The following TNPO3 variants were observed in gnomAD, a reference collection of about 807,000 sequenced individuals.
TNPO3 encodes the protein transportin 3, also known as transportin-3.
TNPO3 carries 65 observed loss-of-function variants against 122.8 expected under a neutral mutation model. The observed-to-expected ratio is 0.53, with a 90% CI of 0.43 to 0.65. TNPO3 has a LOEUF of 0.65. Among genes scored for constraint, TNPO3 ranks in the 30% least tolerant of loss-of-function variants. The probability of loss-of-function intolerance (pLI) is 0.00; values close to 1 mark genes in which losing one functional copy is unlikely to be tolerated. For synonymous variants in TNPO3, 372 were observed against 411.2 expected (o/e 0.90, Z 1.15); for missense variants, 850 against 1,136.7 (o/e 0.75, Z 3.63).
At chr7:128,984,460 A>G (rs1159829181) in intron 12 of TNPO3, among the ~76,000 whole-genome samples, 1 of 152,258 alleles carries the variant, frequency 6.6e-6, no homozygotes, top group Non-Finnish European at 1.5e-5. Context: ...CAGAAGGCTA[A>G]GACTGATTAA....
In TNPO3 at chr7:128,974,988, G is replaced by C. The variant is rs771666656; in HGVS notation, c.2179-26C>G. The C allele has an allele frequency of 3.1e-6, 5 of 1,589,684 alleles. No individual in the cohort carries two copies. In the Admixed American group the frequency reaches 6.7e-5, roughly 21 times the overall value. ...CTAAAACAAAACAGTGATTTTAAAA[G>C]AAATGCTTTTTCAGAAATGCCACAG... is the stretch of plus-strand genomic sequence containing the variant. On this transcript the variant is annotated intron_variant, in intron 17 of 22. Coordinates refer to ENST00000265388, the MANE Select transcript of TNPO3 (RefSeq NM_012470.4).
At chr7:128,978,156 C>T (rs541690358) in intron 16 of TNPO3, among the ~76,000 whole-genome samples, 1 of 152,360 alleles carries the variant, frequency 6.6e-6, no homozygotes, top group South Asian at 2.1e-4. Flanking sequence ...CTAAGGTTAA[C>T]ATCAACACAA....
chr7:129,042,341 G>A (rs1336379322), intron 1 of TNPO3, among the ~76,000 whole-genome samples: 9 of 152,124 alleles, frequency 5.9e-5, no homozygotes, highest in Non-Finnish European at 1.2e-4. Context: ...AAAGTTCTGG[G>A]AAGGAAGACT....
chr7:128,967,715 T>C (rs892105496), intron 20 of TNPO3, among the ~76,000 whole-genome samples: 1 of 151,944 alleles, frequency 6.6e-6, no homozygotes, highest in African/African-American at 2.4e-5. Flanking sequence ...ATGACATATA[T>C]ACATATGCAC....
intron 1 of TNPO3, among the ~76,000 whole-genome samples, chr7:129,051,708 A>G (rs557823078): frequency 4.6e-5 from 7 of 152,178 alleles, no homozygotes; most frequent in Admixed American, 6.5e-5. Flanking sequence ...CAGTGACACA[A>G]TATCAGCTCA....
At chr7:128,970,043 TG>T in intron 20 of TNPO3, 104 bp downstream of exon 20, 1 of 1,415,258 alleles carries the variant, frequency 7.1e-7, no homozygotes, top group Non-Finnish European at 9.8e-7. Flanking sequence ...TTTGGTTCCA[TG>T]GACAGAAAAC....
chr7:129,013,863 A>G (rs549218071), intron 4 of TNPO3, among the ~76,000 whole-genome samples: 31 of 152,316 alleles, frequency 2.0e-4, no homozygotes, highest in African/African-American at 6.7e-4. Flanking sequence ...GAAGTAAGCC[A>G]GGCACAGAAA....
intron 20 of TNPO3, among the ~76,000 whole-genome samples, chr7:128,969,501 T>A (rs1585324175): frequency 6.6e-6 from 1 of 152,136 alleles, no homozygotes; most frequent in Admixed American, 6.5e-5. Flanking sequence ...AATTCCATTT[T>A]AAAAATGATT....
intron 19 of TNPO3, among the ~76,000 whole-genome samples, chr7:128,972,190 A>T (rs1798558555): frequency 6.6e-6 from 1 of 152,156 alleles, no homozygotes; most frequent in African/African-American, 2.4e-5. Flanking sequence ...TTCTCTCTTC[A>T]ACTAGACACC....
At chr7:129,009,770 C>A (rs1024124635) in intron 4 of TNPO3, among the ~76,000 whole-genome samples, 3 of 152,198 alleles carry the variant, frequency 2.0e-5, no homozygotes, top group African/African-American at 7.2e-5. Flanking sequence ...AGCTTTCACG[C>A]CCAGTCTAAA....
At chr7:129,011,890 C>A (rs182314357) in intron 4 of TNPO3, among the ~76,000 whole-genome samples, 11 of 152,020 alleles carry the variant, frequency 7.2e-5, no homozygotes, top group Admixed American at 4.6e-4. Flanking sequence ...ATTTGCTGTA[C>A]ATATTTTCTA....
chr7:128,962,452 T>G (rs1797559740), intron 21 of TNPO3, among the ~76,000 whole-genome samples: 1 of 150,160 alleles, frequency 6.7e-6, no homozygotes, highest in Non-Finnish European at 1.5e-5. Flanking sequence ...GAAATGAAAC[T>G]AAACCAGTTC....
rs532892739 is a variant in TNPO3 at position 129,043,335 on chromosome 7, G to T, written c.120+11316C>A. On this transcript the variant is annotated intron_variant, in intron 1 of 22. Coordinates refer to ENST00000265388, the MANE Select transcript of TNPO3 (RefSeq NM_012470.4). ...GGACTGAGGTGGGAAGATCACTGAAGCCCTAGTTACAGTGAGCTGTGATCC... is the reference window on the plus strand; with the variant it reads ...GGACTGAGGTGGGAAGATCACTGAATCCCTAGTTACAGTGAGCTGTGATCC... Among the ~76,000 whole-genome samples the T allele has an allele frequency of 5.9e-5, 9 of 152,200 alleles. No individual in the cohort carries two copies. In the South Asian group the frequency reaches 1.9e-3, roughly 32 times the overall value.
intron 8 of TNPO3, among the ~76,000 whole-genome samples, chr7:128,995,660 A>C (rs1801227928): frequency 6.6e-6 from 1 of 152,118 alleles, no homozygotes; most frequent in African/African-American, 2.4e-5. Flanking sequence ...TTTATAAATC[A>C]GGCTTCCAAG....
At chr7:129,006,991 CT>C (rs894827066) in intron 4 of TNPO3, among the ~76,000 whole-genome samples, 1 of 152,168 alleles carries the variant, frequency 6.6e-6, no homozygotes, top group East Asian at 1.9e-4. Flanking sequence ...ATACTTGACT[CT>C]TTCTATTTCT....
chr7:128,989,417 G>C (rs11770317), intron 11 of TNPO3, among the ~76,000 whole-genome samples: 73,767 of 151,914 alleles, frequency 0.49, 18,110 homozygotes, highest in African/African-American at 0.5. Flanking sequence ...AAAAAGAGGA[G>C]GTTAGAATAA....
chr7:128,997,591 CATTTT>C (rs1451609119), intron 7 of TNPO3, 56 bp from the exon 8 acceptor site: 1 of 1,451,554 alleles, frequency 6.9e-7, no homozygotes, highest in Non-Finnish European at 9.6e-7. Flanking sequence ...AATAAGAAGA[CATTTT>C]ATTATCACCA....
Position 128,955,242 on chromosome 7 carries a change from T to A in TNPO3, c.*175A>T. 2.2e-6 allele frequency: 1 copy of A among 446,642 alleles called. No homozygotes were observed. Among genetic ancestry groups the A allele is most frequent in the Middle Eastern group, 7.1e-4 (1 of 1,412 alleles). The allele number at this position is 446,642 out of a possible 1,614,324, so 27.7% of individuals were successfully genotyped here. ...ACCCCCAAACAGGAACTCCTCAGGA[T>A]GGCCTCAGAAGGCTGGAGTCTCTCC... On this transcript the variant is annotated 3_prime_UTR_variant, in exon 23 of 23. Transcript: ENST00000265388.
chr7:128,966,648 C>T (rs1015097522), intron 21 of TNPO3, among the ~76,000 whole-genome samples: 4 of 152,096 alleles, frequency 2.6e-5, no homozygotes, highest in South Asian at 2.1e-4. Flanking sequence ...TCAAGTAACA[C>T]CTTTATGGCT....
Sources: gnomAD v4.1 joint callset for allele counts (sites outside exome capture counted in the v4.1 genomes callset) on GRCh38, gnomAD v4.1.1 for gene constraint, MANE v1.5 for transcripts, NCBI Gene and HGNC (gene_info 2026-07-23, HGNC 2026-07-21) for gene names.